Variants in CLTCL1 observed in about 807,000 individuals in gnomAD.
CLTCL1 encodes the protein clathrin heavy chain like 1.
In CLTCL1, 159 loss-of-function variants were observed where a neutral mutation model predicts 190.0. The ratio of observed to expected loss-of-function variants is 0.84; its 90% CI spans 0.74 to 0.95. The LOEUF is 0.95. Among genes scored for constraint, CLTCL1 ranks in the 40% least tolerant of loss-of-function variants. The pLI is 0.00. For synonymous variants in CLTCL1, 752 were observed against 769.6 expected (o/e 0.98, Z 0.38); for missense variants, 1,878 against 2,033.4 (o/e 0.92, Z 1.47).
At chr22:19,219,154 A>G (rs1187715655) in intron 18 of CLTCL1, among the ~76,000 whole-genome samples, 1 of 144,634 alleles carries the variant, frequency 6.9e-6, no homozygotes, top group Non-Finnish European at 1.5e-5. Context: ...AAGGACTAAG[A>G]TGTTTTATTT....
In CLTCL1 at chr22:19,190,489, T is replaced by C. The variant is rs1211814591; in HGVS notation, c.4323+815A>G. Among the ~76,000 whole-genome samples, 23 of 150,292 alleles carry C rather than the reference T, an allele frequency of 1.5e-4. 1 individual carries two copies. The highest frequency in any genetic ancestry group is 5.6e-4 in the African/African-American group (23 of 40,800). The stretch of plus-strand genomic sequence containing the variant: ...TGGCTCAAGCCTATAATCCCAGCAC[T>C]GGAGGAGGCCAAGGCGGGAAGATTG... On this transcript the variant is annotated intron_variant, in intron 27 of 32. Coordinates refer to ENST00000427926, the MANE Select transcript of CLTCL1 (RefSeq NM_007098.4).
At chr22:19,234,302 C>T (rs554183130) in intron 7 of CLTCL1, among the ~76,000 whole-genome samples, 2 of 152,224 alleles carry the variant, frequency 1.3e-5, no homozygotes, top group South Asian at 2.1e-4. Context: ...AAGTGGGAGG[C>T]GTGAAGAAGT....
intron 7 of CLTCL1, 34 bp from the exon 8 acceptor site, chr22:19,233,656 GTA>G: frequency 6.3e-7 from 1 of 1,587,078 alleles, no homozygotes; most frequent in Non-Finnish European, 8.6e-7. Context: ...TCATTGTGTT[GTA>G]ATCACAGGGG....
At chr22:19,276,134 A>G (rs150275800) in intron 1 of CLTCL1, among the ~76,000 whole-genome samples, 194 of 152,258 alleles carry the variant, frequency 1.3e-3, no homozygotes, top group African/African-American at 4.1e-3. Context: ...TGAACTCCCA[A>G]AGAACACCAT....
chr22:19,273,050 C>G lies in CLTCL1; in HGVS notation c.250+2573G>C, dbSNP rs191579847. ...CTGTGAGATACAAGGTGCAGCACCC[C>G]CCCACACACCCTGTATTTCTGCACT... On this transcript the variant is annotated intron_variant, in intron 2 of 32. Transcript: ENST00000427926. 3.1e-3 allele frequency among the ~76,000 whole-genome samples: 473 copies of G among 152,182 alleles called. 11 individuals carry two copies. The highest frequency in any genetic ancestry group is 0.025 in the Admixed American group (389 of 15,290).
At chr22:19,247,701 C>T (rs1555968511) in intron 3 of CLTCL1, among the ~76,000 whole-genome samples, 1 of 151,958 alleles carries the variant, frequency 6.6e-6, no homozygotes, top group East Asian at 2.0e-4. Flanking sequence ...GCTGGGATTA[C>T]AGGCACATGC....
At chr22:19,251,532 C>T (rs192659019) in intron 3 of CLTCL1, among the ~76,000 whole-genome samples, 316 of 152,346 alleles carry the variant, frequency 2.1e-3, no homozygotes, top group African/African-American at 7.2e-3. Context: ...ATCTCGGTCA[C>T]TGCAAGCTCC....
At chr22:19,251,030 T>C (rs1353601735) in intron 3 of CLTCL1, among the ~76,000 whole-genome samples, 1 of 152,134 alleles carries the variant, frequency 6.6e-6, no homozygotes, top group Non-Finnish European at 1.5e-5. Context: ...GGTATTCCAA[T>C]AGAGATTATG....
At chr22:19,228,071 A>G (rs2085807305) in intron 11 of CLTCL1, among the ~76,000 whole-genome samples, 1 of 152,132 alleles carries the variant, frequency 6.6e-6, no homozygotes, top group Non-Finnish European at 1.5e-5. Context: ...TAGGATCTGC[A>G]TCACCAACCA....
chr22:19,208,038 CTG>C (rs2085104534), intron 22 of CLTCL1, 114 bp downstream of exon 22: 2 of 1,269,096 alleles, frequency 1.6e-6, no homozygotes, highest in Admixed American at 1.9e-5. Context: ...TGTGGAAAAA[CTG>C]TCTTCGATGA....
Position 19,275,845 on chromosome 22 carries a change from A to T in CLTCL1, c.43-15T>A. 1.3e-6 allele frequency: 2 copies of T among 1,569,930 alleles called. No homozygotes were observed. Among genetic ancestry groups the T allele is most frequent in the Non-Finnish European group, 1.7e-6 (2 of 1,156,496 alleles). On this transcript the variant is annotated splice_polypyrimidine_tract_variant and intron_variant, in intron 1 of 32. Coordinates refer to ENST00000427926, the MANE Select transcript of CLTCL1 (RefSeq NM_007098.4). ...AGGTTTTGGAGCTAAACAGAAAAAA[A>T]GCATTTGATTAAATTTTTTTCCTCT...
chr22:19,270,919 T>A (rs2087294799), intron 2 of CLTCL1, among the ~76,000 whole-genome samples: 1 of 152,028 alleles, frequency 6.6e-6, no homozygotes, highest in South Asian at 2.1e-4. Flanking sequence ...TGAAAACTTG[T>A]CAAGTTGTCC....
chr22:19,290,014 G>A (rs1186101307), intron 1 of CLTCL1, among the ~76,000 whole-genome samples: 2 of 152,204 alleles, frequency 1.3e-5, no homozygotes, highest in Non-Finnish European at 2.9e-5. Context: ...CCCAGTCAGT[G>A]TTAGAGACCA....
At position 19,190,034 on chromosome 22, in the gene CLTCL1, G is replaced by A. The variant is rs567404304; in HGVS notation, c.4323+1270C>T. Among the ~76,000 whole-genome samples, 11 of 152,168 alleles carry A rather than the reference G, an allele frequency of 7.2e-5. No individual in the cohort carries two copies. In the East Asian group the frequency reaches 9.7e-4, roughly 13 times the overall value. ...CAATCTCGGCTCACTGCAACCTCCC[G>A]GGTTCAAGCGATTCTCCTGCCTCAG... On this transcript the variant is annotated intron_variant, in intron 27 of 32. Coordinates refer to ENST00000427926, the MANE Select transcript of CLTCL1 (RefSeq NM_007098.4).
At chr22:19,267,761 G>A (rs1250662226) in intron 2 of CLTCL1, among the ~76,000 whole-genome samples, 1 of 152,088 alleles carries the variant, frequency 6.6e-6, no homozygotes, top group Non-Finnish European at 1.5e-5. Flanking sequence ...CAGGCATGGT[G>A]GCAGGCACCT....
chr22:19,239,566 C>G lies in CLTCL1; in HGVS notation c.682-178G>C, dbSNP rs551458137. Among the ~76,000 whole-genome samples the G allele has an allele frequency of 3.9e-5, 6 of 152,354 alleles. No homozygotes were observed. In the South Asian group the frequency reaches 1.2e-3, roughly 32 times the overall value. ...GGAGTGCCTGTGATTATCCAATAAC[C>G]TGCTGCCCACCACCAAGCATGGCAC... On this transcript the variant is annotated intron_variant, in intron 4 of 32. Transcript: ENST00000427926.
intron 3 of CLTCL1, among the ~76,000 whole-genome samples, chr22:19,251,998 T>A (rs544582012): frequency 6.6e-6 from 1 of 152,346 alleles, no homozygotes; most frequent in African/African-American, 2.4e-5. Context: ...TGCCACTGCC[T>A]TCATCTAGTC....
rs1475007772 is a variant in CLTCL1 at position 19,187,978 on chromosome 22, C to G, written c.4434+3G>C. 13 of 1,613,422 alleles carry G rather than the reference C, an allele frequency of 8.1e-6. No homozygotes were observed. Among genetic ancestry groups the G allele is most frequent in the Admixed American group, 1.7e-5 (1 of 60,030 alleles). On this transcript the variant is annotated splice_donor_region_variant and intron_variant, in intron 28 of 32. Transcript: ENST00000427926. ...AGGACAGGGCTCCTTCCTGCACACC[C>G]ACCTGATAGTCCTCCTCCTCTGTCA... is the stretch of plus-strand genomic sequence containing the variant.
At chr22:19,232,173 G>A (rs1005163472) in intron 10 of CLTCL1, among the ~76,000 whole-genome samples, 1 of 152,090 alleles carries the variant, frequency 6.6e-6, no homozygotes, top group Non-Finnish European at 1.5e-5. Context: ...GTAGTAACTG[G>A]GGTGGGCCAC....
Sources: allele counts gnomAD v4.1 joint callset (sites outside exome capture counted in the v4.1 genomes callset), GRCh38; gene constraint gnomAD v4.1.1; transcripts MANE v1.5; gene names NCBI Gene and HGNC (gene_info 2026-07-23, HGNC 2026-07-21).